Variants in AGBL3 observed in about 807,000 individuals in gnomAD.
AGBL3 encodes the protein AGBL carboxypeptidase 3, also known as cytosolic carboxypeptidase 3.
Under a neutral mutation model 94.5 loss-of-function variants are expected in AGBL3, and 68 were observed. That is an observed-to-expected ratio of 0.72 (90% CI 0.59 to 0.88). The LOEUF is 0.88. Ranked by LOEUF, AGBL3 falls within the 40% of genes least tolerant of loss-of-function variation. The pLI, the probability that AGBL3 is intolerant of heterozygous loss-of-function variation, is 0.00. For synonymous variants in AGBL3, 354 were observed against 370.7 expected, an observed-to-expected ratio of 0.95 and a Z score of 0.52; for missense variants, 934 against 1,103.8, an observed-to-expected ratio of 0.85 and a Z score of 2.18.
chr7:135,081,893 T>G lies in AGBL3; in HGVS notation c.2110+103T>G, dbSNP rs536511830. The G allele has an allele frequency of 1.7e-5, 12 of 693,196 alleles. No individual in the cohort carries two copies. In the Admixed American group the frequency reaches 3.3e-4, roughly 19 times the overall value. 42.9% of individuals were successfully genotyped at this position (693,196 alleles called of 1,614,324 possible). On this transcript the variant is annotated intron_variant, in intron 15 of 16. Coordinates refer to ENST00000436302, the MANE Select transcript of AGBL3 (RefSeq NM_178563.4). ...ATACACAGGGGAAACAGTAGAAATT[T>G]ACTGTATGTCAATTTGCTTTTAATT...
At chr7:135,086,090 G>T (rs1339586773) in intron 15 of AGBL3, among the ~76,000 whole-genome samples, 7 of 151,792 alleles carry the variant, frequency 4.6e-5, no homozygotes, top group African/African-American at 1.7e-4. Flanking sequence ...ATTTTTTGTA[G>T]CTATTGTAAA....
At chr7:135,090,228 G>C (rs1476065854) in intron 15 of AGBL3, among the ~76,000 whole-genome samples, 1 of 152,140 alleles carries the variant, frequency 6.6e-6, no homozygotes, top group Non-Finnish European at 1.5e-5. Context: ...TGTGAGGCCA[G>C]GTGCATTGGC....
intron 6 of AGBL3, among the ~76,000 whole-genome samples, chr7:135,033,230 T>TCA (rs1815959454): frequency 6.6e-6 from 1 of 152,214 alleles, no homozygotes; most frequent in Non-Finnish European, 1.5e-5. Context: ...ATATGAATTG[T>TCA]CACACACACA....
At chr7:135,030,998 T>G (rs1815677570) in intron 5 of AGBL3, among the ~76,000 whole-genome samples, 1 of 152,094 alleles carries the variant, frequency 6.6e-6, no homozygotes, top group South Asian at 2.1e-4. Flanking sequence ...GAATTTTCAT[T>G]TGGTTCAGTT....
intron 12 of AGBL3, among the ~76,000 whole-genome samples, chr7:135,072,981 T>G (rs1225610250): frequency 6.6e-6 from 1 of 152,134 alleles, no homozygotes; most frequent in Non-Finnish European, 1.5e-5. Context: ...TGTGTGTATG[T>G]GTATGTGTGT....
chr7:135,081,626 C>G lies in AGBL3; in HGVS notation c.2039-93C>G, dbSNP rs980988208. 5 of 766,654 alleles carry G rather than the reference C, an allele frequency of 6.5e-6. No individual in the cohort carries two copies. In the African/African-American group the frequency reaches 8.7e-5, roughly 13 times the overall value. The allele number at this position is 766,654 out of a possible 1,614,324, so 47.5% of individuals were successfully genotyped here. A position where few individuals can be genotyped will look rare whatever the true frequency, so the allele number is the denominator to read the frequency against. ...TAAACTACTGTCTACAAGTTATTTA[C>G]TAGCATTTTCCACTTTGAAAAAAGA... On this transcript the variant is annotated intron_variant, in intron 14 of 16. Transcript: ENST00000436302.
At chr7:135,101,742 G>A (rs1823859208) in intron 15 of AGBL3, among the ~76,000 whole-genome samples, 1 of 152,118 alleles carries the variant, frequency 6.6e-6, no homozygotes, top group South Asian at 2.1e-4. Flanking sequence ...CCCAACAGAA[G>A]GGCAGAAAAG....
chr7:135,039,078 A>T (rs947363870), intron 8 of AGBL3, among the ~76,000 whole-genome samples: 1 of 152,248 alleles, frequency 6.6e-6, no homozygotes, highest in Non-Finnish European at 1.5e-5. Flanking sequence ...ACTGGATTTG[A>T]CATTTATAGG....
intron 15 of AGBL3, among the ~76,000 whole-genome samples, chr7:135,096,859 A>G (rs947442189): frequency 2.0e-5 from 3 of 152,220 alleles, no homozygotes; most frequent in Non-Finnish European, 4.4e-5. Flanking sequence ...ATATACAACT[A>G]GGAAGATACG....
chr7:135,005,874 G>A (rs756454777), intron 4 of AGBL3, among the ~76,000 whole-genome samples: 1 of 151,646 alleles, frequency 6.6e-6, no homozygotes, highest in Non-Finnish European at 1.5e-5. Context: ...TGGAGAAATT[G>A]GATATCCATA....
intron 4 of AGBL3, among the ~76,000 whole-genome samples, chr7:135,015,122 G>C (rs1245031744): frequency 6.6e-6 from 1 of 152,146 alleles, no homozygotes; most frequent in Admixed American, 6.5e-5. Context: ...TCAAGAAGAA[G>C]TGCCTATATC....
At chr7:135,098,894 T>C (rs1823330508) in intron 15 of AGBL3, among the ~76,000 whole-genome samples, 1 of 152,116 alleles carries the variant, frequency 6.6e-6, no homozygotes, top group Non-Finnish European at 1.5e-5. Context: ...TAATATGACA[T>C]ATAAAACTTA....
rs1224526608 is a variant in AGBL3 at position 134,993,525 on chromosome 7, A to G, written c.157A>G (p.Thr53Ala). ...DSFGDPFFPR[T>A]TQILLEYQLG... ...TTTTGGTGATCCCTTCTTCCCCCGGACTACACAGATACTATTAGAATATCA... is the reference window on the plus strand; with the variant it reads ...TTTTGGTGATCCCTTCTTCCCCCGGGCTACACAGATACTATTAGAATATCA... Residue 53 changes from threonine to alanine, a missense_variant, in exon 4 of 17, where the codon ACT (threonine) becomes GCT (alanine). Transcript: ENST00000436302. The G allele has an allele frequency of 6.5e-7, 1 of 1,550,176 alleles. No homozygotes were observed. The highest frequency in any genetic ancestry group is 2.0e-5 in the Admixed American group (1 of 50,824).
In AGBL3 at chr7:135,125,190, C is replaced by T. The variant is rs145688869; in HGVS notation, c.2342+9579C>T. ...AGAAAAGAGAGAAAAATCAAATAGACACAATAAAAATGATAAGGGGATATC... is the reference window on the plus strand; with the variant it reads ...AGAAAAGAGAGAAAAATCAAATAGATACAATAAAAATGATAAGGGGATATC... On this transcript the variant is annotated intron_variant, in intron 16 of 16. Transcript: ENST00000436302. Among the ~76,000 whole-genome samples the T allele has an allele frequency of 3.2e-3, 486 of 151,976 alleles. 6 individuals carry two copies. The highest frequency in any genetic ancestry group is 7.5e-3 in the South Asian group (36 of 4,820).
At chr7:135,076,561 T>C in intron 13 of AGBL3, 93 bp downstream of exon 13, 1 of 991,054 alleles carries the variant, frequency 1.0e-6, no homozygotes, top group Non-Finnish European at 1.5e-6. Flanking sequence ...TACCCGAATT[T>C]TCCCCCAGGA....
chr7:135,010,082 G>A (rs764155078), intron 4 of AGBL3: 27 of 424,994 alleles, frequency 6.4e-5, no homozygotes, highest in East Asian at 1.5e-4. Context: ...AGGCTGGAGC[G>A]CAGTGGTGCG....
chr7:135,056,933 T>C (rs191551793), intron 11 of AGBL3, among the ~76,000 whole-genome samples: 1 of 152,202 alleles, frequency 6.6e-6, no homozygotes, highest in Admixed American at 6.5e-5. Context: ...GCTAACAAAA[T>C]ACTGAAGAAG....
At chr7:135,082,539 T>C (rs1005994411) in intron 15 of AGBL3, among the ~76,000 whole-genome samples, 1 of 149,410 alleles carries the variant, frequency 6.7e-6, no homozygotes, top group Non-Finnish European at 1.5e-5. Flanking sequence ...CCTTTATAGA[T>C]ACTAGTTTTC....
Position 135,135,156 on chromosome 7 carries a change from AAGCTCTAAGCATAC to A in AGBL3, c.2662_2675del (p.Ser888ProfsTer5). On this transcript the variant is annotated frameshift_variant, in exon 17 of 17. Coordinates refer to ENST00000436302, the MANE Select transcript of AGBL3 (RefSeq NM_178563.4). LOFTEE classifies it low-confidence loss of function (END_TRUNC). Reference sequence around the variant, plus strand: ...TTCAAGCTGAAGAAACTAACCAGCAAAGCTCTAAGCATACAGCCCTCCATCTAACTAAAAATAAG... The same window carrying A: ...TTCAAGCTGAAGAAACTAACCAGCAAAGCCCTCCATCTAACTAAAAATAAG... 1 of 1,551,116 alleles carries A rather than the reference AAGCTCTAAGCATAC, an allele frequency of 6.4e-7. No individual in the cohort carries two copies. The highest frequency in any genetic ancestry group is 8.7e-7 in the Non-Finnish European group (1 of 1,146,618).
Sources: gnomAD v4.1 joint callset for allele counts (sites outside exome capture counted in the v4.1 genomes callset) on GRCh38, gnomAD v4.1.1 for gene constraint, MANE v1.5 for transcripts, NCBI Gene and HGNC (gene_info 2026-07-23, HGNC 2026-07-21) for gene names.